Variants in MAGI2 observed in about 807,000 individuals in gnomAD.
MAGI2 encodes the protein membrane associated guanylate kinase, WW and PDZ domain containing 2.
MAGI2 carries 35 observed loss-of-function variants against 133.3 expected under a neutral mutation model. The ratio of observed to expected loss-of-function variants is 0.26; its 90% CI spans 0.20 to 0.35. MAGI2 has a LOEUF of 0.35. Among genes scored for constraint, MAGI2 ranks in the 10% least tolerant of loss-of-function variants. The pLI is 1.00. For missense variants in MAGI2, 1,636 were observed against 1,863.4 expected, an observed-to-expected ratio of 0.88 and a Z score of 2.25; for synonymous variants, 729 against 710.6, an observed-to-expected ratio of 1.03 and a Z score of -0.41.
intron 1 of MAGI2, among the ~76,000 whole-genome samples, chr7:79,340,025 CT>C (rs1840772546): frequency 6.6e-6 from 1 of 152,098 alleles, no homozygotes; most frequent in African/African-American, 2.4e-5. Context: ...AGTTTTACTG[CT>C]ATGTAATATA....
chr7:78,480,595 A>T (rs1285629230), intron 6 of MAGI2, among the ~76,000 whole-genome samples: 1 of 151,972 alleles, frequency 6.6e-6, no homozygotes, highest in Non-Finnish European at 1.5e-5. Context: ...AAAATCACTC[A>T]ATGTAATCTA....
At chr7:79,302,818 T>G (rs1200997823) in intron 1 of MAGI2, among the ~76,000 whole-genome samples, 2 of 152,170 alleles carry the variant, frequency 1.3e-5, no homozygotes, top group African/African-American at 2.4e-5. Flanking sequence ...TACACTACTT[T>G]TGGGTGTCCC....
At chr7:78,418,448 A>C (rs1798495363) in intron 6 of MAGI2, among the ~76,000 whole-genome samples, 1 of 152,114 alleles carries the variant, frequency 6.6e-6, no homozygotes, top group Non-Finnish European at 1.5e-5. Flanking sequence ...GGTAAGGGAG[A>C]ACTACCAGCA....
At chr7:78,652,476 A>G (rs958100909) in intron 2 of MAGI2, among the ~76,000 whole-genome samples, 2 of 152,168 alleles carry the variant, frequency 1.3e-5, no homozygotes, top group Non-Finnish European at 2.9e-5. Flanking sequence ...AAAGCCACAC[A>G]TCTAAAACCA....
rs906103398 is a variant in MAGI2, at chr7:78,272,526, T to C, written c.1409-15945A>G. 1.2e-4 allele frequency among the ~76,000 whole-genome samples: 18 copies of C among 152,204 alleles called. No homozygotes were observed. The East Asian group carries it at 1.3e-3, about 11-fold the overall frequency. On this transcript the variant is annotated intron_variant, in intron 9 of 21. Transcript: ENST00000354212. ...TTTTCTGTCTTGTTGGTCTGTCTAA[T>C]GTTGACAGTGGTGTGTTAAAGTCTC...
intron 2 of MAGI2, among the ~76,000 whole-genome samples, chr7:78,670,925 CTACT>C (rs1585038760): frequency 6.6e-6 from 1 of 152,134 alleles, no homozygotes; most frequent in African/African-American, 2.4e-5. Context: ...ATGTATTCAA[CTACT>C]TAAAGTATCA....
intron 2 of MAGI2, among the ~76,000 whole-genome samples, chr7:78,881,947 A>G (rs1795872965): frequency 6.6e-6 from 1 of 151,512 alleles, no homozygotes; most frequent in Admixed American, 6.6e-5. Flanking sequence ...AGAAAAAACA[A>G]AACTAAAATC....
rs1191398060 is a variant in MAGI2, at chr7:78,125,706, A to G, written c.3555T>C (p.Asn1185=). 3.1e-6 allele frequency: 5 copies of G among 1,612,914 alleles called. No individual in the cohort carries two copies. Among genetic ancestry groups the G allele is most frequent in the Non-Finnish European group, 4.2e-6 (5 of 1,179,428 alleles). The change falls in exon 20 of 22, where the codon AAT becomes AAC. Residue 1185 remains asparagine, a synonymous_variant. Transcript: ENST00000354212. Reference sequence around the variant, plus strand: ...AGACTGTTCTTACCCTCATCCTCCCATTCCTTATTGCTGGTCCATCTTCTG... The same window carrying G: ...AGACTGTTCTTACCCTCATCCTCCCGTTCCTTATTGCTGGTCCATCTTCTG... ...RLAEDGPAIR[N]GRMRVGDQII...
chr7:79,397,360 G>A (rs917720108), intron 1 of MAGI2, among the ~76,000 whole-genome samples: 3 of 151,418 alleles, frequency 2.0e-5, no homozygotes, highest in African/African-American at 7.3e-5. Flanking sequence ...ATTTTAATAG[G>A]TGCCTAAAAT....
At chr7:78,728,233 C>T (rs1183076320) in intron 2 of MAGI2, among the ~76,000 whole-genome samples, 1 of 145,130 alleles carries the variant, frequency 6.9e-6, no homozygotes, top group African/African-American at 2.5e-5. Context: ...CAAAGTAAAT[C>T]GTAGAAAAAT....
At chr7:78,166,548 T>C (rs1429864978) in intron 15 of MAGI2, among the ~76,000 whole-genome samples, 2 of 152,226 alleles carry the variant, frequency 1.3e-5, no homozygotes, top group African/African-American at 2.4e-5. Flanking sequence ...ACAAGATATA[T>C]AGCAGTCTCT....
intron 2 of MAGI2, among the ~76,000 whole-genome samples, chr7:78,640,049 C>A (rs1810115884): frequency 6.6e-6 from 1 of 152,060 alleles, no homozygotes; most frequent in Non-Finnish European, 1.5e-5. Flanking sequence ...AGCCCCATGG[C>A]CTAGATCCAT....
intron 2 of MAGI2, among the ~76,000 whole-genome samples, chr7:78,999,566 A>G (rs1281571208): frequency 2.6e-5 from 4 of 152,216 alleles, no homozygotes; most frequent in Non-Finnish European, 5.9e-5. Flanking sequence ...ATGAAACTAG[A>G]TCTTAATGTT....
At chr7:78,274,692 G>A (rs529592642) in intron 9 of MAGI2, among the ~76,000 whole-genome samples, 30 of 152,164 alleles carry the variant, frequency 2.0e-4, no homozygotes, top group African/African-American at 6.7e-4. Flanking sequence ...GCTTAGCTGC[G>A]GTGGGCTCCC....
At chr7:78,163,730 C>T (rs541422292) in intron 15 of MAGI2, among the ~76,000 whole-genome samples, 6 of 151,806 alleles carry the variant, frequency 4.0e-5, no homozygotes, top group Admixed American at 2.6e-4. Context: ...CATGGTGAAA[C>T]CCCATCTCTA....
chr7:78,725,340 G>C (rs1445972372), intron 2 of MAGI2, among the ~76,000 whole-genome samples: 1 of 152,178 alleles, frequency 6.6e-6, no homozygotes, highest in Non-Finnish European at 1.5e-5. Context: ...GAACTATTTT[G>C]ATCTTCACTT....
At chr7:78,280,851 T>C (rs1413028837) in intron 9 of MAGI2, among the ~76,000 whole-genome samples, 1 of 16,012 alleles carries the variant, frequency 6.2e-5, no homozygotes, top group Admixed American at 5.2e-4. Context: ...GTGATGGGTA[T>C]ACAAAAAAAA....
intron 2 of MAGI2, among the ~76,000 whole-genome samples, chr7:78,649,816 T>C (rs322007): frequency 0.9 from 137,175 of 152,142 alleles, 62,033 homozygotes; most frequent in East Asian, 1. Context: ...CTCACTCGTC[T>C]GAACAGTCCT....
intron 20 of MAGI2, among the ~76,000 whole-genome samples, chr7:78,109,627 G>A (rs180900304): frequency 6.7e-6 from 1 of 150,360 alleles, no homozygotes; most frequent in East Asian, 2.0e-4. Context: ...GCAAGACTCC[G>A]TCTCAAAACA....
Sources: gnomAD v4.1 joint callset for allele counts (sites outside exome capture counted in the v4.1 genomes callset) on GRCh38, gnomAD v4.1.1 for gene constraint, MANE v1.5 for transcripts, NCBI Gene and HGNC (gene_info 2026-07-23, HGNC 2026-07-21) for gene names.